The following NBPF9 variants were observed in gnomAD, a reference collection of about 807,000 sequenced individuals.
NBPF9 encodes NBPF family member NBPF9.
In NBPF9, 91 loss-of-function variants were observed where a neutral mutation model predicts 97.8. The observed-to-expected ratio is 0.93, with a 90% confidence interval of 0.79 to 1.11. The LOEUF (loss-of-function observed/expected upper bound fraction) is 1.11, where lower values mean the gene tolerates loss of function less well. Ranked by LOEUF, NBPF9 falls within the 50% of genes least tolerant of loss-of-function variation. NBPF9 has a pLI of 0.00. For missense variants in NBPF9, 992 were observed against 939.5 expected (o/e 1.06, Z -0.73); for synonymous variants, 334 against 359.5 (o/e 0.93, Z 0.80).
intron 8 of NBPF9, among the ~76,000 whole-genome samples, chr1:149,079,824 T>A (rs1369992413): frequency 6.6e-6 from 1 of 152,206 alleles, no homozygotes; most frequent in Non-Finnish European, 1.5e-5. Context: ...AAATTTCACA[T>A]CAACAATTAC....
At chr1:149,056,150 A>C (rs1369627595) in intron 29 of NBPF9, among the ~76,000 whole-genome samples, 1 of 152,022 alleles carries the variant, frequency 6.6e-6, no homozygotes, top group East Asian at 2.0e-4. Context: ...TGAATTGGCC[A>C]GGTGACATAC....
At chr1:149,089,195 C>T (rs1204224903) in intron 5 of NBPF9, among the ~76,000 whole-genome samples, 7 of 152,184 alleles carry the variant, frequency 4.6e-5, no homozygotes, top group African/African-American at 1.2e-4. Context: ...AGAGGTGCCA[C>T]AGGACCTTTA....
chr1:149,084,096 G>A (rs180953541), intron 5 of NBPF9, among the ~76,000 whole-genome samples: 2 of 151,334 alleles, frequency 1.3e-5, no homozygotes, highest in Non-Finnish European at 2.9e-5. Flanking sequence ...GGTGGGAAAT[G>A]AACAATGAGA....
At position 149,059,259 on chromosome 1, in the gene NBPF9, C is replaced by A; in HGVS notation, c.2586-162G>T. The A allele has an allele frequency of 1.1e-5, 5 of 459,868 alleles. 2 individuals are homozygous for A. Among genetic ancestry groups the A allele is most frequent in the Non-Finnish European group, 2.0e-5 (5 of 249,232 alleles). The allele number at this position is 459,868 out of a possible 1,614,324, so 28.5% of individuals were successfully genotyped here. A position where few individuals can be genotyped will look rare whatever the true frequency, so the allele number is the denominator to read the frequency against. On this transcript the variant is annotated intron_variant, in intron 25 of 29. Coordinates refer to ENST00000584027, the Ensembl canonical transcript of NBPF9. ...GCCTTTAGGTTGGGATAGACCAGGG[C>A]CAGGTAGAAAAGAATGAAAGAGAAA...
At chr1:149,073,184 G>A (rs1309236883) in intron 13 of NBPF9, among the ~76,000 whole-genome samples, 1 of 148,626 alleles carries the variant, frequency 6.7e-6, no homozygotes, top group Non-Finnish European at 1.5e-5. Context: ...AACAAAAGTA[G>A]GTGTTTTCCT....
chr1:149,062,595 CAAT>C (rs1455512650), intron 21 of NBPF9, among the ~76,000 whole-genome samples: 2 of 137,074 alleles, frequency 1.5e-5, no homozygotes, highest in Non-Finnish European at 3.2e-5. Context: ...AGAGTGGGCT[CAAT>C]AATTTTCCAT....
intron 11 of NBPF9, among the ~76,000 whole-genome samples, chr1:149,076,287 G>A (rs1379398194): frequency 8.6e-5 from 13 of 150,442 alleles, no homozygotes; most frequent in South Asian, 2.1e-4. Flanking sequence ...CACCTCTGCC[G>A]CCCGGGTTCA....
intron 26 of NBPF9, chr1:149,058,644 C>T (rs369634487): frequency 1.0e-5 from 3 of 286,294 alleles, no homozygotes; most frequent in South Asian, 2.2e-5. Context: ...CCAAATCATA[C>T]TTCTGTGAAT....
rs1159908330 is a variant in NBPF9 at position 149,059,385 on chromosome 1, C to G, written c.2586-288G>C. The G allele has an allele frequency of 1.4e-5, 6 of 428,804 alleles. 2 individuals carry two copies. Among genetic ancestry groups the G allele is most frequent in the East Asian group, 3.0e-5 (1 of 33,348 alleles). The allele number at this position is 428,804 out of a possible 1,614,324, so 26.6% of individuals were successfully genotyped here. On this transcript the variant is annotated intron_variant, in intron 25 of 29. Coordinates refer to ENST00000584027, the Ensembl canonical transcript of NBPF9. ...TAAAAGGACACTCTGAGTTCGTGCCCTCATGACACACAGCAAACTGTGATC... is the reference window on the plus strand; with the variant it reads ...TAAAAGGACACTCTGAGTTCGTGCCGTCATGACACACAGCAAACTGTGATC...
intron 5 of NBPF9, 32 bp from the exon 6 acceptor site, chr1:149,082,462 G>A (rs1267440674): frequency 2.6e-6 from 2 of 780,390 alleles, no homozygotes; most frequent in Non-Finnish European, 3.9e-6. Flanking sequence ...TAGAAGGTGG[G>A]GGTGTCATGG....
chr1:149,085,756 CA>C (rs2080941225), intron 5 of NBPF9, among the ~76,000 whole-genome samples: 1 of 151,156 alleles, frequency 6.6e-6, no homozygotes, highest in East Asian at 2.0e-4. Flanking sequence ...ATGATGAAAA[CA>C]ACTTTATAAA....
chr1:149,068,197 G>A (rs1272120838), intron 17 of NBPF9, among the ~76,000 whole-genome samples: 9 of 149,096 alleles, frequency 6.0e-5, no homozygotes, highest in Admixed American at 2.6e-4. Flanking sequence ...GACCATTGAC[G>A]CTAGGAAGAA....
At chr1:149,055,464 C>T (rs2078141919) in exon 30 of NBPF9, 2 of 1,029,434 alleles carry the variant, frequency 1.9e-6, no homozygotes, top group South Asian at 3.2e-5. Flanking sequence ...ACGTGTCACA[C>T]CTAACGTGGG....
Position 149,097,045 on chromosome 1 carries a change from G to A in NBPF9, c.-337+1393C>T, listed in dbSNP as rs587601337. ...AAAAGAAAAGAAGAAAGGAAGAAAG[G>A]AAAGAATGGAGGGAGGGAAGGAAGG... On this transcript the variant is annotated intron_variant, in intron 4 of 29. Coordinates refer to ENST00000584027, the Ensembl canonical transcript of NBPF9. Among the ~76,000 whole-genome samples the A allele has an allele frequency of 1.6e-3, 242 of 148,758 alleles. 1 individual carries two copies. The highest frequency in any genetic ancestry group is 5.8e-3 in the African/African-American group (230 of 39,712).
intron 27 of NBPF9, among the ~76,000 whole-genome samples, 195 bp from the exon 28 acceptor site, chr1:149,057,702 TAGACAC>T (rs2078299035): frequency 7.5e-5 from 1 of 13,300 alleles, no homozygotes; most frequent in Non-Finnish European, 1.9e-4. Context: ...GAAAGACAGA[TAGACAC>T]ACACACACAC....
At chr1:149,079,767 A>T (rs1427938352) in intron 8 of NBPF9, among the ~76,000 whole-genome samples, 3 of 151,812 alleles carry the variant, frequency 2.0e-5, no homozygotes, top group Non-Finnish European at 4.4e-5. Context: ...GAGTATACTG[A>T]ATGCTGCTAG....
At chr1:149,091,960 T>C (rs1553660224) in intron 4 of NBPF9, among the ~76,000 whole-genome samples, 1 of 131,170 alleles carries the variant, frequency 7.6e-6, no homozygotes, top group Non-Finnish European at 1.6e-5. Context: ...TCTGATGTGG[T>C]CTACATGACA....
chr1:149,055,973 G>A (rs1228773993), intron 29 of NBPF9, 74 bp from the exon 30 acceptor site: 1 of 1,611,358 alleles, frequency 6.2e-7, no homozygotes, highest in East Asian at 2.2e-5. Context: ...GATTTCAGAA[G>A]TAACATAAGG....
At chr1:149,087,672 G>C (rs1350649959) in intron 5 of NBPF9, among the ~76,000 whole-genome samples, 1 of 150,626 alleles carries the variant, frequency 6.6e-6, no homozygotes, top group Non-Finnish European at 1.5e-5. Context: ...ATTGGATCTG[G>C]AGATCAATTT....
Sources: allele counts gnomAD v4.1 joint callset (sites outside exome capture counted in the v4.1 genomes callset), GRCh38; gene constraint gnomAD v4.1.1; transcripts MANE v1.5; gene names NCBI Gene and HGNC (gene_info 2026-07-23, HGNC 2026-07-21).